The following DROSHA variants were observed in gnomAD, a reference collection of about 807,000 sequenced individuals.
The protein encoded by DROSHA is drosha ribonuclease III.
A neutral mutation model predicts 181.9 loss-of-function variants in DROSHA; 56 were observed. The observed-to-expected ratio is 0.31, with a 90% CI of 0.25 to 0.38. The LOEUF (loss-of-function observed/expected upper bound fraction) is 0.38. DROSHA is among the 10% of genes least tolerant of loss of function. The pLI is 1.00. For missense variants in DROSHA, 1,218 were observed against 1,743.5 expected (o/e 0.70, Z 5.37); for synonymous variants, 524 against 591.2 (o/e 0.89, Z 1.65).
At chr5:31,517,355 C>T (rs1739376544) in intron 6 of DROSHA, among the ~76,000 whole-genome samples, 1 of 151,992 alleles carries the variant, frequency 6.6e-6, no homozygotes, top group South Asian at 2.1e-4. Flanking sequence ...TGCTTCCTGC[C>T]TTAGTATGCT....
intron 16 of DROSHA, 55 bp from the exon 17 acceptor site, chr5:31,472,287 A>G: frequency 6.6e-7 from 1 of 1,520,536 alleles, no homozygotes; most frequent in Non-Finnish European, 8.8e-7. Flanking sequence ...CTCAACTTAC[A>G]GCAAATCAAC....
chr5:31,485,497 G>GT (rs1751618001), intron 14 of DROSHA, among the ~76,000 whole-genome samples: 1 of 152,126 alleles, frequency 6.6e-6, no homozygotes, highest in Non-Finnish European at 1.5e-5. Context: ...ATATTTGCAA[G>GT]TGAGACTTAT....
At chr5:31,464,036 AACATAC>A (rs1748737110) in intron 20 of DROSHA, 194 bp downstream of exon 20, 2 of 581,642 alleles carry the variant, frequency 3.4e-6, no homozygotes, top group South Asian at 4.3e-5. Flanking sequence ...CCACAAATAC[AACATAC>A]ACACACACAC....
At chr5:31,437,946 T>C (rs73745748) in intron 23 of DROSHA, among the ~76,000 whole-genome samples, 1 of 152,180 alleles carries the variant, frequency 6.6e-6, no homozygotes, top group Non-Finnish European at 1.5e-5. Context: ...GAAAATCTAC[T>C]CACCCCTCAA....
At chr5:31,465,596 T>C (rs1255718893) in intron 19 of DROSHA, among the ~76,000 whole-genome samples, 1 of 152,226 alleles carries the variant, frequency 6.6e-6, no homozygotes, top group Non-Finnish European at 1.5e-5. Context: ...TTAGGATGTT[T>C]TGGCCCCTCC....
Position 31,424,422 on chromosome 5 carries a change from C to A in DROSHA, c.3261+5G>T. 6.3e-7 allele frequency: 1 copy of A among 1,597,572 alleles called. No homozygotes were observed. Among genetic ancestry groups the A allele is most frequent in the Non-Finnish European group, 8.5e-7 (1 of 1,171,976 alleles). ...GCTCACTGCAGACAGGGAGGTCATA[C>A]TTACTTGGAGTGGGTGGAGAGGATA... is the stretch of plus-strand genomic sequence containing the variant. On this transcript the variant is annotated splice_donor_5th_base_variant and intron_variant, in intron 28 of 35. Transcript: ENST00000344624.
intron 16 of DROSHA, among the ~76,000 whole-genome samples, chr5:31,483,106 T>C (rs890494001): frequency 2.6e-5 from 4 of 152,210 alleles, no homozygotes; most frequent in Non-Finnish European, 5.9e-5. Context: ...ATACCTTTTT[T>C]TCACTGTAAA....
chr5:31,438,758 T>C (rs1301318389), intron 23 of DROSHA, among the ~76,000 whole-genome samples: 3 of 152,040 alleles, frequency 2.0e-5, no homozygotes, highest in African/African-American at 2.4e-5. Flanking sequence ...ATGAATTATA[T>C]GACACCACTT....
intron 3 of DROSHA, 117 bp from the exon 4 acceptor site, chr5:31,529,222 C>A: frequency 1.2e-6 from 1 of 808,754 alleles, no homozygotes. Context: ...ACTTAGCCTA[C>A]AAACAAAATT....
intron 23 of DROSHA, among the ~76,000 whole-genome samples, chr5:31,444,361 T>C (rs1746006491): frequency 6.6e-6 from 1 of 152,202 alleles, no homozygotes; most frequent in South Asian, 2.1e-4. Flanking sequence ...AAAGGCCAAA[T>C]GTCAAAGGAC....
intron 18 of DROSHA, chr5:31,467,219 A>G (rs917593068): frequency 9.9e-5 from 15 of 151,480 alleles, no homozygotes; most frequent in African/African-American, 3.4e-4. Context: ...CTCTTCTAAT[A>G]TATGTCAGCC....
At chr5:31,424,403 T>A in intron 28 of DROSHA, 24 bp downstream of exon 28, 1 of 1,593,082 alleles carries the variant, frequency 6.3e-7, no homozygotes, top group Non-Finnish European at 8.6e-7. Context: ...TAAAGCTCAC[T>A]GCAGACAGGG....
intron 20 of DROSHA, among the ~76,000 whole-genome samples, chr5:31,460,421 TG>T (rs1748277054): frequency 6.6e-6 from 1 of 152,166 alleles, no homozygotes; most frequent in Non-Finnish European, 1.5e-5. Context: ...CTTCTCTGGT[TG>T]GGGAAAATGT....
At chr5:31,507,673 C>CA (rs1038093437) in intron 10 of DROSHA, among the ~76,000 whole-genome samples, 1 of 151,748 alleles carries the variant, frequency 6.6e-6, no homozygotes, top group African/African-American at 2.4e-5. Context: ...TTACGGGGGA[C>CA]AAAAAATGTT....
intron 8 of DROSHA, among the ~76,000 whole-genome samples, chr5:31,511,698 T>TAAA (rs111259754): frequency 4.2e-5 from 6 of 143,750 alleles, no homozygotes; most frequent in South Asian, 4.4e-4. Context: ...AGACCTCATC[T>TAAA]AAAAAAAAAA....
At chr5:31,446,369 C>T (rs573435916) in intron 23 of DROSHA, among the ~76,000 whole-genome samples, 22 of 146,402 alleles carry the variant, frequency 1.5e-4, no homozygotes, top group South Asian at 2.1e-4. Flanking sequence ...ATGGCGTGAA[C>T]CCGGGAGGTA....
intron 13 of DROSHA, among the ~76,000 whole-genome samples, chr5:31,491,677 G>A (rs1355457337): frequency 7.4e-6 from 1 of 135,822 alleles, no homozygotes; most frequent in African/African-American, 2.8e-5. Flanking sequence ...GTAACAAAGG[G>A]TTTCAAAGTT....
rs1740608726 is a variant in DROSHA at position 31,526,647 on chromosome 5, A to AG, written c.285dup (p.Cys96LeufsTer33). 3.6e-6 allele frequency: 4 copies of AG among 1,113,676 alleles called. No homozygotes were observed. Among genetic ancestry groups the AG allele is most frequent in the Non-Finnish European group, 4.4e-6 (4 of 907,826 alleles). 69.0% of individuals were successfully genotyped at this position (1,113,676 alleles called of 1,614,324 possible). On this transcript the variant is annotated frameshift_variant, in exon 5 of 36. Transcript: ENST00000344624. LOFTEE classifies it high-confidence loss of function. ...TTGGGGAAAGGCGGCCTGATTGGGC[A>AG]GGGGGGAAGAGGGCCTTGCGCTGAC...
At chr5:31,496,745 G>T (rs62348735) in intron 11 of DROSHA, among the ~76,000 whole-genome samples, 3,903 of 152,302 alleles carry the variant, frequency 0.026, 75 homozygotes, top group South Asian at 0.043. Context: ...AGTCATGAGA[G>T]ATCTTACCAT....
Sources: gnomAD v4.1 joint callset for allele counts (sites outside exome capture counted in the v4.1 genomes callset) on GRCh38, gnomAD v4.1.1 for gene constraint, MANE v1.5 for transcripts, NCBI Gene and HGNC (gene_info 2026-07-23, HGNC 2026-07-21) for gene names.